The following DGKD variants were observed in gnomAD, a reference collection of about 807,000 sequenced individuals.
The protein encoded by DGKD is diacylglycerol kinase delta.
In DGKD, 68 loss-of-function variants were observed where a neutral mutation model predicts 154.4. That is an observed-to-expected ratio of 0.44 (90% confidence interval 0.36 to 0.54). The LOEUF is 0.54. DGKD is among the 20% of genes least tolerant of loss of function. The probability of loss-of-function intolerance (pLI) is 0.00; values close to 1 mark genes in which losing one functional copy is unlikely to be tolerated. For missense variants in DGKD, 1,343 were observed against 1,593.6 expected, an observed-to-expected ratio of 0.84 and a Z score of 2.68; for synonymous variants, 693 against 638.0, an observed-to-expected ratio of 1.09 and a Z score of -1.30.
At chr2:233,380,928 G>C (rs1029945701) in intron 1 of DGKD, among the ~76,000 whole-genome samples, 1 of 152,160 alleles carries the variant, frequency 6.6e-6, no homozygotes, top group African/African-American at 2.4e-5. Flanking sequence ...GGACATGGTC[G>C]TTTTTAATAA....
chr2:233,449,726 G>A lies in DGKD; in HGVS notation c.1889-256G>A, dbSNP rs1441209397. On this transcript the variant is annotated intron_variant, in intron 15 of 29. Coordinates refer to ENST00000264057, the MANE Select transcript of DGKD (RefSeq NM_152879.3). The surrounding 1 kb of genome is among the most constrained non-coding windows in gnomAD (Gnocchi z 5.3). ...TCCCGCTTGCAGCCCTCCAGCCTGC[G>A]CCAGGCTCCTCTGCATCCCTTGCCT... Among the ~76,000 whole-genome samples the A allele has an allele frequency of 6.6e-6, 1 of 152,102 alleles. No homozygotes were observed. The highest frequency in any genetic ancestry group is 1.5e-5 in the Non-Finnish European group (1 of 68,004).
At position 233,438,411 on chromosome 2, in the gene DGKD, A is replaced by G. The variant is rs765831491; in HGVS notation, c.1085+32A>G. 5 of 1,577,570 alleles carry G rather than the reference A, an allele frequency of 3.2e-6. No homozygotes were observed. The South Asian group carries it at 5.8e-5, about 18-fold the overall frequency. On this transcript the variant is annotated intron_variant, in intron 9 of 29. Transcript: ENST00000264057. The surrounding 1 kb of genome is among the most constrained non-coding windows in gnomAD (Gnocchi z 4.1). ...AGCTTGTAAAATATATCTTTCTTGG[A>G]GTTTTAAAAATTGTGTAGATAGTGT...
chr2:233,383,479 A>G (rs1355013321), intron 1 of DGKD, among the ~76,000 whole-genome samples: 1 of 152,140 alleles, frequency 6.6e-6, no homozygotes, highest in African/African-American at 2.4e-5. Context: ...TCTCAATTGC[A>G]ATATAGTTGA....
At chr2:233,411,623 G>C (rs536158383) in intron 3 of DGKD, among the ~76,000 whole-genome samples, 1 of 152,192 alleles carries the variant, frequency 6.6e-6, no homozygotes, top group South Asian at 2.1e-4. Context: ...TCAGTCTGTG[G>C]CTTGTGTTTT....
chr2:233,467,134 C>G lies in DGKD; in HGVS notation c.3355C>G (p.Leu1119Val), dbSNP rs766237126. The change falls in exon 28 of 30, where the codon CTC (leucine) becomes GTC (valine). Residue 1119 changes from leucine to valine, a missense_variant. Around this residue, in one of 6 missense-constraint regions of DGKD, gnomAD observed 429 missense variants for 496.3 expected, o/e 0.86. Transcript: ENST00000264057. Reference sequence around the variant, plus strand: ...GCGCAGTCGCAGTGGTAAATTCCGCCTCGTGACCAAGTTTAAAAAGGAGAA... The same window carrying G: ...GCGCAGTCGCAGTGGTAAATTCCGCGTCGTGACCAAGTTTAAAAAGGAGAA... ...AKRSRSGKFR[L>V]VTKFKKEKNN... 19 of 1,614,228 alleles carry G rather than the reference C, an allele frequency of 1.2e-5. No individual in the cohort carries two copies. In the East Asian group the frequency reaches 4.0e-4, roughly 34 times the overall value.
At chr2:233,369,818 G>A (rs993564884) in intron 1 of DGKD, among the ~76,000 whole-genome samples, 1 of 152,172 alleles carries the variant, frequency 6.6e-6, no homozygotes, top group African/African-American at 2.4e-5. Context: ...TTCCTGAGTA[G>A]TGGGTGTTTG....
At position 233,457,865 on chromosome 2, in the gene DGKD, G is replaced by T; in HGVS notation, c.2581-419G>T. On this transcript the variant is annotated intron_variant, in intron 21 of 29. Transcript: ENST00000264057. This position sits in a 1 kb window ranked among gnomAD's most constrained non-coding sequence, Gnocchi z 5.5. ...GTTTGGAATTTGTGTTAAGAACTGTGGGAAGGTGTTGATAGGTTTAAACCT... is the reference window on the plus strand; with the variant it reads ...GTTTGGAATTTGTGTTAAGAACTGTTGGAAGGTGTTGATAGGTTTAAACCT... 3.0e-6 allele frequency: 1 copy of T among 336,208 alleles called. No individual in the cohort carries two copies. The highest frequency in any genetic ancestry group is 5.9e-6 in the Non-Finnish European group (1 of 170,878). 20.8% of individuals were successfully genotyped at this position (336,208 alleles called of 1,614,324 possible). A position where few individuals can be genotyped will look rare whatever the true frequency, so the allele number is the denominator to read the frequency against.
intron 3 of DGKD, among the ~76,000 whole-genome samples, chr2:233,401,009 C>G (rs1354529605): frequency 6.6e-6 from 1 of 151,950 alleles, no homozygotes; most frequent in East Asian, 1.9e-4. Context: ...GATAGAAGAC[C>G]CAAGGCAGCA....
At chr2:233,424,975 C>T (rs1208013507) in intron 3 of DGKD, among the ~76,000 whole-genome samples, 5 of 152,120 alleles carry the variant, frequency 3.3e-5, no homozygotes, top group African/African-American at 4.8e-5. Flanking sequence ...TCACTCCCTG[C>T]GGTTTAATAA....
chr2:233,369,889 C>G (rs1002963269), intron 1 of DGKD, among the ~76,000 whole-genome samples: 2 of 152,176 alleles, frequency 1.3e-5, no homozygotes, highest in Non-Finnish European at 2.9e-5. Flanking sequence ...TAAAGGGTGT[C>G]TGCCTCCCTT....
At position 233,458,055 on chromosome 2, in the gene DGKD, G is replaced by A. The variant is rs2063515109; in HGVS notation, c.2581-229G>A. Among the ~76,000 whole-genome samples, 1 of 152,176 alleles carries A rather than the reference G, an allele frequency of 6.6e-6. No homozygotes were observed. Among genetic ancestry groups the A allele is most frequent in the Non-Finnish European group, 1.5e-5 (1 of 68,018 alleles). On this transcript the variant is annotated intron_variant, in intron 21 of 29. Transcript: ENST00000264057. This position sits in a 1 kb window ranked among gnomAD's most constrained non-coding sequence, Gnocchi z 6.6. ...GTTAGTTTCCCCATTTTACGCATGA[G>A]GAAATGGGGGAGAGAGAGATTCAGT...
chr2:233,448,160 C>T lies in DGKD; in HGVS notation c.1493C>T (p.Ser498Leu), dbSNP rs979493392. The change falls in exon 13 of 30, where the codon TCG becomes TTG. Residue 498 changes from serine to leucine, a missense_variant. This residue lies in a region of DGKD where 409 missense variants were observed against 446.0 expected (regional missense o/e 0.92). Coordinates refer to ENST00000264057, the MANE Select transcript of DGKD (RefSeq NM_152879.3). ...LSKILTSDQH[S>L]VVISSAKVLC... Reference sequence around the variant, plus strand: ...AAAATCCTCACCTCGGACCAGCACTCGGTGGTCATCTCCTCGGCCAAGTGA... The same window carrying T: ...AAAATCCTCACCTCGGACCAGCACTTGGTGGTCATCTCCTCGGCCAAGTGA... 15 of 1,614,036 alleles carry T rather than the reference C, an allele frequency of 9.3e-6. No individual in the cohort carries two copies. Among genetic ancestry groups the T allele is most frequent in the African/African-American group, 2.7e-5 (2 of 74,926 alleles).
At position 233,449,065 on chromosome 2, in the gene DGKD, T is replaced by C; in HGVS notation, c.1615-38T>C. 1 of 1,551,186 alleles carries C rather than the reference T, an allele frequency of 6.4e-7. No individual in the cohort carries two copies. The stretch of plus-strand genomic sequence containing the variant: ...TCCCTGCCTGCAGACCCTGTTCTCC[T>C]GCCTCAGCTCTGCATGCCATTTCCT... On this transcript the variant is annotated intron_variant, in intron 14 of 29. Coordinates refer to ENST00000264057, the MANE Select transcript of DGKD (RefSeq NM_152879.3). The surrounding 1 kb of genome is among the most constrained non-coding windows in gnomAD (Gnocchi z 5.3).
chr2:233,426,665 ACTGTAGGC>A (rs1360024064), intron 3 of DGKD, among the ~76,000 whole-genome samples: 1 of 152,006 alleles, frequency 6.6e-6, no homozygotes, highest in Non-Finnish European at 1.5e-5. Flanking sequence ...CAGTGTATTC[ACTGTAGGC>A]CTGTTTAGAG....
At chr2:233,423,836 C>A (rs531179021) in intron 3 of DGKD, among the ~76,000 whole-genome samples, 1 of 152,082 alleles carries the variant, frequency 6.6e-6, no homozygotes, top group Non-Finnish European at 1.5e-5. Flanking sequence ...TCACTGTTTT[C>A]GGCTGCTGCT....
At chr2:233,442,117 GT>G in intron 10 of DGKD, 122 bp downstream of exon 10, 1 of 952,282 alleles carries the variant, frequency 1.1e-6, no homozygotes, top group Non-Finnish European at 1.7e-6. Context: ...ACCATTGGTG[GT>G]TTTGGGGAGT....
rs1032988410 is a variant in DGKD at position 233,445,381 on chromosome 2, C to T, written c.1195-242C>T. The stretch of plus-strand genomic sequence containing the variant: ...GCTGAGAGATGGACCTGTGGCTCAT[C>T]CATTTCTCCCAGAAGCAGCATCTTA... On this transcript the variant is annotated intron_variant, in intron 10 of 29. Coordinates refer to ENST00000264057, the MANE Select transcript of DGKD (RefSeq NM_152879.3). This position sits in a 1 kb window ranked among gnomAD's most constrained non-coding sequence, Gnocchi z 5.5. Among the ~76,000 whole-genome samples the T allele has an allele frequency of 3.3e-5, 5 of 151,970 alleles. No individual in the cohort carries two copies. The highest frequency in any genetic ancestry group is 7.4e-5 in the Non-Finnish European group (5 of 67,980).
At chr2:233,392,880 T>C (rs1186976784) in intron 3 of DGKD, among the ~76,000 whole-genome samples, 5 of 152,246 alleles carry the variant, frequency 3.3e-5, no homozygotes, top group African/African-American at 1.2e-4. Context: ...GTGTCTCTGG[T>C]TGAATCTCCT....
intron 5 of DGKD, 91 bp from the exon 6 acceptor site, chr2:233,435,727 C>G: frequency 8.2e-7 from 1 of 1,224,430 alleles, no homozygotes; most frequent in East Asian, 2.7e-5. Flanking sequence ...CTTGACTTTT[C>G]TGGAGCTGGA....
Sources: gnomAD v4.1 joint callset for allele counts (sites outside exome capture counted in the v4.1 genomes callset) on GRCh38, gnomAD v4.1.1 for gene constraint, gnomAD v4.1.1 regional missense constraint, Gnocchi (gnomAD v3.1) non-coding constraint, MANE v1.5 for transcripts, NCBI Gene and HGNC (gene_info 2026-07-23, HGNC 2026-07-21) for gene names.